The following PLXNC1 variants were observed in gnomAD, a reference collection of about 807,000 sequenced individuals.
PLXNC1 encodes the protein plexin C1.
PLXNC1 carries 75 observed loss-of-function variants against 178.2 expected under a neutral mutation model. That is an observed-to-expected ratio of 0.42 (90% CI 0.35 to 0.51). The LOEUF (loss-of-function observed/expected upper bound fraction) is 0.51. PLXNC1 is among the 20% of genes least tolerant of loss of function. PLXNC1 has a pLI of 0.02. For synonymous variants in PLXNC1, 790 were observed against 779.9 expected (o/e 1.01, Z -0.22); for missense variants, 1,503 against 1,984.4 (o/e 0.76, Z 4.61).
intron 23 of PLXNC1, among the ~76,000 whole-genome samples, chr12:94,291,094 G>C (rs1967274866): frequency 6.6e-6 from 1 of 152,350 alleles, no homozygotes; most frequent in South Asian, 2.1e-4. Context: ...GGGCACTGTA[G>C]GGCCACTTGA....
chr12:94,304,115 T>G lies in PLXNC1; in HGVS notation c.4602+64T>G, dbSNP rs148024432. On this transcript the variant is annotated intron_variant, in intron 30 of 30. Coordinates refer to ENST00000258526, the MANE Select transcript of PLXNC1 (RefSeq NM_005761.3). ...AGGCACAAGGATGTGGTTATAGCAT[T>G]CTGTCAGTTTCAGAACAGCTCTGGC... The G allele has an allele frequency of 7.7e-3, 8,079 of 1,048,100 alleles. 51 individuals are homozygous for G. The highest frequency in any genetic ancestry group is 0.01 in the Non-Finnish European group (7,064 of 704,246). 64.9% of individuals were successfully genotyped at this position (1,048,100 alleles called of 1,614,324 possible). A position where few individuals can be genotyped will look rare whatever the true frequency, so the allele number is the denominator to read the frequency against.
rs1219539397 is a variant in PLXNC1, at chr12:94,307,649, A to AAAAAT, written c.*2368_*2372dup. On this transcript the variant is annotated 3_prime_UTR_variant, in exon 31 of 31. Transcript: ENST00000258526. ...TGAATGTTTTAAATGTCTATATCCA[A>AAAAAT]AAAATAAACATTTTGATGTAACTGT... The AAAAAT allele has an allele frequency of 1.4e-3, 207 of 151,704 alleles. No individual in the cohort carries two copies. The highest frequency in any genetic ancestry group is 4.6e-3 in the African/African-American group (190 of 41,366). 9.4% of individuals were successfully genotyped at this position (151,704 alleles called of 1,614,324 possible).
At position 94,268,588 on chromosome 12, in the gene PLXNC1, C is replaced by CTTTTTTTTTTTTT. The variant is rs61265662; in HGVS notation, c.3597+3375_3597+3387dup. 2.2e-4 allele frequency among the ~76,000 whole-genome samples: 20 copies of CTTTTTTTTTTTTT among 90,876 alleles called. 1 individual carries two copies. Among genetic ancestry groups the CTTTTTTTTTTTTT allele is most frequent in the East Asian group, 3.6e-4 (1 of 2,740 alleles). 59.6% of individuals were successfully genotyped at this position (90,876 alleles called of 152,430 possible). On this transcript the variant is annotated intron_variant, in intron 21 of 30. Coordinates refer to ENST00000258526, the MANE Select transcript of PLXNC1 (RefSeq NM_005761.3). ...TCAGACAGCTGGAAGAGAATAAGACCTTTTTTTTTTTTTTTTTTTTTTTTA... is the reference window on the plus strand; with the variant it reads ...TCAGACAGCTGGAAGAGAATAAGACCTTTTTTTTTTTTTTTTTTTTTTTTTTTTTTTTTTTTTA...
chr12:94,190,330 C>G (rs1962675129), intron 4 of PLXNC1, among the ~76,000 whole-genome samples: 1 of 152,172 alleles, frequency 6.6e-6, no homozygotes, highest in Admixed American at 6.5e-5. Context: ...AAGCCTAGAC[C>G]TCCCCAGGCT....
At chr12:94,153,221 A>G (rs780549303) in intron 1 of PLXNC1, among the ~76,000 whole-genome samples, 10 of 152,204 alleles carry the variant, frequency 6.6e-5, no homozygotes, top group Non-Finnish European at 1.0e-4. Context: ...AGGTCTTCCA[A>G]TGTCTACATC....
intron 22 of PLXNC1, chr12:94,281,979 A>G (rs1034396239): frequency 9.3e-5 from 27 of 289,854 alleles, no homozygotes; most frequent in African/African-American, 6.0e-4. Flanking sequence ...ATGGGCACAC[A>G]AGTGTGAGCA....
intron 21 of PLXNC1, among the ~76,000 whole-genome samples, chr12:94,266,751 C>T (rs945360296): frequency 1.3e-5 from 2 of 152,236 alleles, no homozygotes; most frequent in Non-Finnish European, 2.9e-5. Context: ...CTACCCATCT[C>T]ATGAGGTGTT....
At chr12:94,159,145 A>T (rs557759018) in intron 1 of PLXNC1, among the ~76,000 whole-genome samples, 1 of 152,358 alleles carries the variant, frequency 6.6e-6, no homozygotes, top group African/African-American at 2.4e-5. Context: ...TATCATGGTA[A>T]ATAGGGTAGA....
chr12:94,227,362 G>A (rs2291332), intron 9 of PLXNC1, 127 bp downstream of exon 9: 183,945 of 583,200 alleles, frequency 0.32, 29,821 homozygotes, highest in East Asian at 0.44. Flanking sequence ...TCCCTTTTGT[G>A]TCTTTGGTTT....
intron 9 of PLXNC1, among the ~76,000 whole-genome samples, chr12:94,237,108 CA>C (rs1964263850): frequency 1.3e-5 from 2 of 152,164 alleles, no homozygotes; most frequent in Admixed American, 1.3e-4. Context: ...GTGGTTTAGA[CA>C]TCCAACTACT....
intron 12 of PLXNC1, among the ~76,000 whole-genome samples, chr12:94,247,090 TAG>T (rs1565828613): frequency 1.3e-5 from 2 of 152,092 alleles, no homozygotes; most frequent in South Asian, 2.1e-4. Flanking sequence ...TTTATATATA[TAG>T]AGAGAGACAG....
At chr12:94,213,339 G>A (rs1006422611) in intron 5 of PLXNC1, among the ~76,000 whole-genome samples, 8 of 152,178 alleles carry the variant, frequency 5.3e-5, no homozygotes, top group African/African-American at 1.2e-4. Context: ...TTTAATGATC[G>A]CCATTCTAAC....
rs1964795234 is a variant in PLXNC1, at chr12:94,254,790, C to T, written c.2885C>T (p.Ala962Val). ...ATGCAGCATCTCTGTCTCTTAGCGG[C>T]CGTGGGGGTGACCAGGCACAAATCG... The part of the protein sequence containing the change: ...PVLLVIVIFA[A>V]VGVTRHKSKE... Residue 962 changes from alanine (A) to valine (V), a missense_variant, in exon 16 of 31, where the codon GCC becomes GTC. Around this residue, in one of 4 missense-constraint regions of PLXNC1, gnomAD observed 639 missense variants for 979.7 expected, o/e 0.65. Transcript: ENST00000258526. 7 of 1,594,138 alleles carry T rather than the reference C, an allele frequency of 4.4e-6. No homozygotes were observed. The East Asian group carries it at 1.6e-4, about 36-fold the overall frequency.
intron 4 of PLXNC1, among the ~76,000 whole-genome samples, chr12:94,206,403 TA>T (rs1963300285): frequency 6.6e-6 from 1 of 152,134 alleles, no homozygotes; most frequent in African/African-American, 2.4e-5. Context: ...ACAGCTTTCT[TA>T]AATAGTTTCA....
At chr12:94,269,389 C>A (rs1008126914) in intron 21 of PLXNC1, among the ~76,000 whole-genome samples, 2 of 152,170 alleles carry the variant, frequency 1.3e-5, no homozygotes, top group East Asian at 3.8e-4. Context: ...GCCAGCCTAC[C>A]CCAGTCTGTC....
chr12:94,295,517 C>T (rs138799685), intron 24 of PLXNC1, among the ~76,000 whole-genome samples: 9 of 152,234 alleles, frequency 5.9e-5, no homozygotes, highest in Non-Finnish European at 1.0e-4. Flanking sequence ...TGGATCTCTT[C>T]GTGGGCCCTC....
Position 94,279,646 on chromosome 12 carries a change from C to T in PLXNC1, c.3772C>T (p.Leu1258Phe), listed in dbSNP as rs766181554. ...PYGLQLNEIG[L>F]ELQMGTRQKE... ...TGGACTTCAGCTTAATGAAATTGGT[C>T]TTGGTAAGGCGGTGCGGGAGCTATG... The change falls in exon 22 of 31, where the codon CTT becomes TTT. Residue 1258 changes from leucine (L) to phenylalanine (F), a missense_variant. This residue lies in a region of PLXNC1 where 639 missense variants were observed against 979.7 expected (regional missense o/e 0.65). Transcript: ENST00000258526. 2.5e-6 allele frequency: 4 copies of T among 1,613,890 alleles called. No individual in the cohort carries two copies. The Admixed American group carries it at 6.7e-5, about 27-fold the overall frequency.
At chr12:94,226,972 G>A (rs1342374208) in intron 8 of PLXNC1, among the ~76,000 whole-genome samples, 177 bp from the exon 9 acceptor site, 5 of 149,096 alleles carry the variant, frequency 3.4e-5, no homozygotes, top group East Asian at 3.9e-4. Context: ...GCAGTGAGCC[G>A]AGATCGCGCC....
intron 9 of PLXNC1, among the ~76,000 whole-genome samples, chr12:94,227,923 G>A (rs1437827501): frequency 2.0e-5 from 3 of 152,194 alleles, no homozygotes; most frequent in African/African-American, 4.8e-5. Context: ...GCATCTATAT[G>A]TGGTAAAACA....
Sources: gnomAD v4.1 joint callset for allele counts (sites outside exome capture counted in the v4.1 genomes callset) on GRCh38, gnomAD v4.1.1 for gene constraint, gnomAD v4.1.1 regional missense constraint, MANE v1.5 for transcripts, NCBI Gene and HGNC (gene_info 2026-07-23, HGNC 2026-07-21) for gene names.